Variants in PKP4 observed in about 807,000 individuals in gnomAD.
PKP4 encodes plakophilin 4.
Under a neutral mutation model 145.1 loss-of-function variants are expected in PKP4, and 90 were observed. That is an observed-to-expected ratio of 0.62 (90% CI 0.52 to 0.74). The LOEUF (loss-of-function observed/expected upper bound fraction) is 0.74, where lower values mean the gene tolerates loss of function less well. Ranked by LOEUF, PKP4 falls within the 30% of genes least tolerant of loss-of-function variation. The probability of loss-of-function intolerance (pLI) is 0.00; values close to 1 mark genes in which losing one functional copy is unlikely to be tolerated. For synonymous variants in PKP4, 563 were observed against 577.2 expected (o/e 0.98, Z 0.35); for missense variants, 1,340 against 1,482.7 (o/e 0.90, Z 1.58).
At chr2:158,532,092 A>T (rs373430841) in intron 1 of PKP4, among the ~76,000 whole-genome samples, 21 of 152,318 alleles carry the variant, frequency 1.4e-4, no homozygotes, top group African/African-American at 3.8e-4. Flanking sequence ...ACTGATACTG[A>T]AATTTGAGGG....
rs771702885 is a variant in PKP4 at position 158,625,080 on chromosome 2, C to T, written c.806C>T (p.Ala269Val). 1.9e-6 allele frequency: 3 copies of T among 1,614,084 alleles called. No homozygotes were observed. In the Admixed American group the frequency reaches 5.0e-5, roughly 27 times the overall value. ...SAYSSTTLPAARAASPYSQRP... is the reference protein window; with the variant it reads ...SAYSSTTLPAVRAASPYSQRP... ...TATTCCTCCACCACATTACCTGCTG[C>T]ACGGGCAGCCTCTCCGTACTCACAG... The change falls in exon 7 of 22, where the codon GCA (alanine) becomes GTA (valine). Residue 269 changes from alanine (A) to valine (V), a missense_variant. Ala to Val is a moderately conservative substitution (Grantham distance 64). Coordinates refer to ENST00000389759, the MANE Select transcript of PKP4 (RefSeq NM_003628.6).
At chr2:158,656,508 G>A (rs1294182152) in intron 11 of PKP4, among the ~76,000 whole-genome samples, 18 of 152,090 alleles carry the variant, frequency 1.2e-4, no homozygotes, top group Admixed American at 6.6e-5. Flanking sequence ...TAAGTCTCCC[G>A]CCCGTCCTGT....
At chr2:158,607,944 A>G (rs954394952) in intron 4 of PKP4, among the ~76,000 whole-genome samples, 5 of 152,218 alleles carry the variant, frequency 3.3e-5, no homozygotes, top group African/African-American at 1.2e-4. Context: ...CCAAGTAACA[A>G]ATATAAGAGT....
rs1259911078 is a variant in PKP4, at chr2:158,673,752, T to C, written c.3000T>C (p.Ile1000=). Residue 1000 remains isoleucine (I), a synonymous_variant, in exon 18 of 22, where the codon ATT becomes ATC. Transcript: ENST00000389759. ...GGCAATATCGGGACCTCCGGAGCAT[T>C]TATAAAAAGGTAACCTACAAGAATA... ...TLWQYRDLRS[I]YKKDGWNQNH... is the part of the protein sequence containing the mutation. The C allele has an allele frequency of 1.2e-6, 2 of 1,610,334 alleles. No homozygotes were observed. Among genetic ancestry groups the C allele is most frequent in the African/African-American group, 2.7e-5 (2 of 74,844 alleles).
chr2:158,628,613 A>C (rs947987048), intron 7 of PKP4, among the ~76,000 whole-genome samples: 8 of 152,236 alleles, frequency 5.3e-5, no homozygotes, highest in African/African-American at 1.9e-4. Context: ...TAATGATCCT[A>C]TAACGAGTGA....
rs769245172 is a variant in PKP4 at position 158,625,146 on chromosome 2, T to C, written c.872T>C (p.Val291Ala). The C allele has an allele frequency of 6.2e-7, 1 of 1,614,100 alleles. No homozygotes were observed. The highest frequency in any genetic ancestry group is 2.2e-5 in the East Asian group (1 of 44,856). ...ACAGCTATACGGCGGATTGGGTCAG[T>C]CACCTCCCGGCAGACCTCCAATCCC... ...SPTAIRRIGS[V>A]TSRQTSNPNG... is the part of the protein sequence containing the mutation. The change falls in exon 7 of 22, where the codon GTC (valine) becomes GCC (alanine). Residue 291 changes from valine (V) to alanine (A), a missense_variant. Coordinates refer to ENST00000389759, the MANE Select transcript of PKP4 (RefSeq NM_003628.6).
At chr2:158,577,953 A>G (rs1469426641) in intron 3 of PKP4, among the ~76,000 whole-genome samples, 1 of 152,206 alleles carries the variant, frequency 6.6e-6, no homozygotes, top group Admixed American at 6.5e-5. Context: ...ATTTAAAAGC[A>G]TAATTCCTGT....
At chr2:158,469,408 A>G (rs1466253857) in intron 1 of PKP4, among the ~76,000 whole-genome samples, 1 of 152,096 alleles carries the variant, frequency 6.6e-6, no homozygotes, top group East Asian at 1.9e-4. Context: ...CATTTTCTAA[A>G]GTGATTTTCT....
At chr2:158,521,210 G>A (rs967896885) in intron 1 of PKP4, among the ~76,000 whole-genome samples, 1 of 152,176 alleles carries the variant, frequency 6.6e-6, no homozygotes, top group Non-Finnish European at 1.5e-5. Context: ...GCATGGGATA[G>A]TTACCATTAT....
At chr2:158,485,156 A>G (rs919817464) in intron 1 of PKP4, among the ~76,000 whole-genome samples, 2 of 152,220 alleles carry the variant, frequency 1.3e-5, no homozygotes, top group Non-Finnish European at 2.9e-5. Context: ...GTCCCAAGTG[A>G]CAGCCTGGCC....
intron 17 of PKP4, 88 bp from the exon 18 acceptor site, chr2:158,673,589 G>A: frequency 1.1e-6 from 1 of 949,742 alleles, no homozygotes; most frequent in South Asian, 1.3e-5. Flanking sequence ...GCGATGGCCT[G>A]TTGGCCACTG....
intron 20 of PKP4, chr2:158,677,252 T>G: frequency 3.4e-6 from 1 of 292,848 alleles, no homozygotes; most frequent in Non-Finnish European, 6.8e-6. Flanking sequence ...GGGCCACATC[T>G]TCTAGACTGG....
At chr2:158,652,193 G>A (rs563197221) in intron 11 of PKP4, among the ~76,000 whole-genome samples, 44 of 152,090 alleles carry the variant, frequency 2.9e-4, no homozygotes, top group African/African-American at 5.3e-4. Context: ...TCACTTCTTC[G>A]TACCAAGTCT....
At chr2:158,587,049 A>G (rs1161474485) in intron 3 of PKP4, among the ~76,000 whole-genome samples, 1 of 152,224 alleles carries the variant, frequency 6.6e-6, no homozygotes, top group Non-Finnish European at 1.5e-5. Flanking sequence ...GCAAATAAGT[A>G]TTCCAAAATA....
chr2:158,505,467 C>G (rs1389860954), intron 1 of PKP4, among the ~76,000 whole-genome samples: 1 of 152,166 alleles, frequency 6.6e-6, no homozygotes, highest in Non-Finnish European at 1.5e-5. Flanking sequence ...AGGGCTTCTC[C>G]GAGGCCCAGG....
intron 9 of PKP4, among the ~76,000 whole-genome samples, chr2:158,639,595 A>G (rs1029592): frequency 0.67 from 102,090 of 152,038 alleles, 36,824 homozygotes; most frequent in East Asian, 0.92. Context: ...TGTTCTGTGA[A>G]CCATTTTCTA....
intron 3 of PKP4, among the ~76,000 whole-genome samples, chr2:158,601,379 T>C (rs2050215250): frequency 6.6e-6 from 1 of 152,146 alleles, no homozygotes; most frequent in South Asian, 2.1e-4. Flanking sequence ...TATGATCCTT[T>C]TGAGGAAACA....
At chr2:158,600,845 T>G (rs557544544) in intron 3 of PKP4, among the ~76,000 whole-genome samples, 1 of 152,290 alleles carries the variant, frequency 6.6e-6, no homozygotes, top group African/African-American at 2.4e-5. Context: ...ATATGGTACC[T>G]TAAATGGAGG....
At chr2:158,547,874 C>CTAAT (rs1311875171) in intron 2 of PKP4, among the ~76,000 whole-genome samples, 10 of 152,216 alleles carry the variant, frequency 6.6e-5, no homozygotes, top group Non-Finnish European at 7.3e-5. Context: ...CAAGACCACA[C>CTAAT]ATTAGGCTGA....
Sources: gnomAD v4.1 joint callset for allele counts (sites outside exome capture counted in the v4.1 genomes callset) on GRCh38, gnomAD v4.1.1 for gene constraint, MANE v1.5 for transcripts, NCBI Gene and HGNC (gene_info 2026-07-23, HGNC 2026-07-21) for gene names.